ZNF675: variants seen among roughly 807,000 people sequenced by gnomAD.
ZNF675 encodes the protein zinc finger protein 675.
Under a neutral mutation model 56.1 loss-of-function variants are expected in ZNF675, and 36 were observed. The ratio of observed to expected loss-of-function variants is 0.64; its 90% CI spans 0.49 to 0.85. The LOEUF is 0.85. Ranked by LOEUF, ZNF675 falls within the 40% of genes least tolerant of loss-of-function variation. The probability of loss-of-function intolerance (pLI) is 0.00; values close to 1 mark genes in which losing one functional copy is unlikely to be tolerated. For missense variants in ZNF675, 663 were observed against 654.2 expected (o/e 1.01, Z -0.15); for synonymous variants, 200 against 218.9 (o/e 0.91, Z 0.76).
intron 1 of ZNF675, among the ~76,000 whole-genome samples, chr19:23,672,737 A>G (rs1279414648): frequency 6.6e-6 from 1 of 152,244 alleles, no homozygotes; most frequent in African/African-American, 2.4e-5. Flanking sequence ...AAGTTGAGGC[A>G]ACATAAATAT....
chr19:23,667,273 A>C (rs1242043916), intron 1 of ZNF675, among the ~76,000 whole-genome samples: 1 of 152,134 alleles, frequency 6.6e-6, no homozygotes, highest in East Asian at 1.9e-4. Context: ...GTTACAGCTC[A>C]TAAAAGCAGT....
At position 23,653,857 on chromosome 19, in the gene ZNF675, T is replaced by C. The variant is rs1305206826; in HGVS notation, c.1076A>G (p.Lys359Arg). Residue 359 changes from lysine to arginine, a missense_variant, in exon 4 of 4, where the codon AAA becomes AGA. By Grantham distance (26) the Lys-to-Arg change is conservative. Transcript: ENST00000359788. ...FNRSSKLTEHKNIHTGEQPYK... is the reference protein window; with the variant it reads ...FNRSSKLTEHRNIHTGEQPYK... The stretch of plus-strand genomic sequence containing the variant: ...GGGTTGCTCTCCAGTATGAATGTTT[T>C]TATGTTCAGTAAGTTTTGAGGATCG... 1 of 1,613,870 alleles carries C rather than the reference T, an allele frequency of 6.2e-7. No individual in the cohort carries two copies. The highest frequency in any genetic ancestry group is 8.5e-7 in the Non-Finnish European group (1 of 1,179,886).
At chr19:23,662,740 G>A (rs1005834132) in intron 2 of ZNF675, among the ~76,000 whole-genome samples, 3 of 152,094 alleles carry the variant, frequency 2.0e-5, no homozygotes, top group African/African-American at 7.2e-5. Flanking sequence ...AGCACTTTGG[G>A]AGGCCGAGGC....
At chr19:23,667,621 A>C (rs1968170498) in intron 1 of ZNF675, among the ~76,000 whole-genome samples, 1 of 152,068 alleles carries the variant, frequency 6.6e-6, no homozygotes, top group Admixed American at 6.5e-5. Flanking sequence ...ACAAACCCTG[A>C]GCTAGACATA....
At position 23,676,516 on chromosome 19, in the gene ZNF675, T is replaced by C. The variant is rs549394460; in HGVS notation, c.3+10515A>G. Among the ~76,000 whole-genome samples the C allele has an allele frequency of 2.6e-5, 4 of 151,872 alleles. 1 individual carries two copies. The highest frequency in any genetic ancestry group is 9.7e-5 in the African/African-American group (4 of 41,204). ...AAAAAGTTAATCCACCATTATCAAG[T>C]AGGATTTATCCCTGGAACACAAGGT... is the stretch of plus-strand genomic sequence containing the variant. On this transcript the variant is annotated intron_variant, in intron 1 of 3. Transcript: ENST00000359788.
At chr19:23,669,195 G>A (rs2144938218) in intron 1 of ZNF675, among the ~76,000 whole-genome samples, 2 of 152,314 alleles carry the variant, frequency 1.3e-5, no homozygotes, top group South Asian at 4.1e-4. Context: ...TTCTCTGAAG[G>A]CCAATGAGCA....
Position 23,654,211 on chromosome 19 carries a change from G to A in ZNF675, c.722C>T (p.Ser241Leu), listed in dbSNP as rs144051668. ...QECDRTFNQF[S>L]NLTEYKKDYA... ...ATCTTTTTTATATTCAGTAAGGTTT[G>A]AGAATTGGTTAAAAGTTCTGTCACA... Residue 241 changes from serine to leucine, a missense_variant, in exon 4 of 4, where the codon TCA becomes TTA. Physicochemically the swap from Ser to Leu is moderately radical, Grantham distance 145. Transcript: ENST00000359788. 79 of 1,613,868 alleles carry A rather than the reference G, an allele frequency of 4.9e-5. No homozygotes were observed. Among genetic ancestry groups the A allele is most frequent in the Non-Finnish European group, 6.5e-5 (77 of 1,179,980 alleles).
At chr19:23,661,407 A>G (rs77448815) in intron 3 of ZNF675, among the ~76,000 whole-genome samples, 180 of 148,542 alleles carry the variant, frequency 1.2e-3, no homozygotes, top group East Asian at 1.8e-3. Flanking sequence ...AAAAAAAAAA[A>G]GGGCGGGGAA....
chr19:23,677,022 A>G (rs1400896009), intron 1 of ZNF675, among the ~76,000 whole-genome samples: 1 of 149,634 alleles, frequency 6.7e-6, no homozygotes, highest in Admixed American at 6.7e-5. Flanking sequence ...GCTTGCAGTG[A>G]GCCGAGATTG....
intron 1 of ZNF675, among the ~76,000 whole-genome samples, chr19:23,667,038 T>C (rs953460291): frequency 1.3e-5 from 2 of 152,158 alleles, no homozygotes; most frequent in African/African-American, 4.8e-5. Flanking sequence ...GTGTTACAGC[T>C]CTTAAGGTGG....
intron 1 of ZNF675, among the ~76,000 whole-genome samples, chr19:23,683,490 C>T (rs902558164): frequency 1.7e-4 from 26 of 152,096 alleles, no homozygotes; most frequent in African/African-American, 6.3e-4. Flanking sequence ...GGTGCGATCT[C>T]GGCTCACTGC....
At position 23,662,113 on chromosome 19, in the gene ZNF675, C is replaced by T; in HGVS notation, c.226+1G>A. 1 of 1,611,130 alleles carries T rather than the reference C, an allele frequency of 6.2e-7. No homozygotes were observed. Among genetic ancestry groups the T allele is most frequent in the Non-Finnish European group, 8.5e-7 (1 of 1,177,558 alleles). On this transcript the variant is annotated splice_donor_variant, in intron 3 of 3. Coordinates refer to ENST00000359788, the MANE Select transcript of ZNF675 (RefSeq NM_138330.3). LOFTEE classifies it high-confidence loss of function. ...TTGTATTCACTTTCATTCTCACTTA[C>T]CTGGGGGTTCATTCACCATCTCATG...
intron 1 of ZNF675, among the ~76,000 whole-genome samples, chr19:23,685,665 G>A (rs550648106): frequency 6.6e-6 from 1 of 152,144 alleles, no homozygotes; most frequent in African/African-American, 2.4e-5. Flanking sequence ...AACAGAAAAC[G>A]ATTTTTTTAA....
intron 1 of ZNF675, among the ~76,000 whole-genome samples, chr19:23,675,779 A>C (rs1156653421): frequency 6.6e-6 from 1 of 151,630 alleles, no homozygotes; most frequent in African/African-American, 2.4e-5. Flanking sequence ...TGACATCCTA[A>C]ATAAAAGAAT....
chr19:23,675,254 T>C (rs1431588663), intron 1 of ZNF675, among the ~76,000 whole-genome samples: 2 of 151,616 alleles, frequency 1.3e-5, no homozygotes, highest in Non-Finnish European at 2.9e-5. Flanking sequence ...TACACAAAAA[T>C]AGTGGGAGGC....
intron 1 of ZNF675, among the ~76,000 whole-genome samples, chr19:23,671,240 T>C (rs1968223162): frequency 6.6e-6 from 1 of 152,130 alleles, no homozygotes; most frequent in African/African-American, 2.4e-5. Context: ...CTCCACAAGC[T>C]ACAGATAGGG....
At chr19:23,671,807 T>C (rs1968229827) in intron 1 of ZNF675, among the ~76,000 whole-genome samples, 1 of 152,026 alleles carries the variant, frequency 6.6e-6, no homozygotes, top group Admixed American at 6.6e-5. Flanking sequence ...GCAATTAGTT[T>C]ATCTGAGTCT....
At position 23,653,560 on chromosome 19, in the gene ZNF675, C is replaced by A. The variant is rs150723446; in HGVS notation, c.1373G>T (p.Gly458Val). The change falls in exon 4 of 4, where the codon GGC becomes GTC. Residue 458 changes from glycine (G) to valine (V), a missense_variant. Around this residue, in one of 3 missense-constraint regions of ZNF675, gnomAD observed 617 missense variants for 590.5 expected, o/e 1.04. Transcript: ENST00000359788. ...GKKPYKCEECGKAFIQSSKLT... is the reference protein window; with the variant it reads ...GKKPYKCEECVKAFIQSSKLT... ...TTTTGAGGATTGGATAAAAGCTTTG[C>A]CACATTCTTCACATTTGTAGGGTTT... is the stretch of plus-strand genomic sequence containing the variant. The A allele has an allele frequency of 6.2e-7, 1 of 1,611,236 alleles. No individual in the cohort carries two copies. The highest frequency in any genetic ancestry group is 1.7e-5 in the Admixed American group (1 of 59,742).
intron 1 of ZNF675, among the ~76,000 whole-genome samples, chr19:23,673,440 C>A (rs981496441): frequency 4.6e-5 from 7 of 152,174 alleles, no homozygotes; most frequent in African/African-American, 1.7e-4. Flanking sequence ...TCGTAGAAAT[C>A]TGGCCTAGCC....
Sources: gnomAD v4.1 joint callset for allele counts (sites outside exome capture counted in the v4.1 genomes callset) on GRCh38, gnomAD v4.1.1 for gene constraint, gnomAD v4.1.1 regional missense constraint, MANE v1.5 for transcripts, NCBI Gene and HGNC (gene_info 2026-07-23, HGNC 2026-07-21) for gene names.